Variants in MSR1 observed in about 807,000 individuals in gnomAD.
MSR1 encodes macrophage scavenger receptor 1, also known as macrophage scavenger receptor types I and II.
Under a neutral mutation model 47.2 loss-of-function variants are expected in MSR1, and 53 were observed. The observed-to-expected ratio is 1.12, with a 90% CI of 0.90 to 1.41. The LOEUF is 1.41. MSR1 is among the 40% of genes most tolerant of loss of function. MSR1 has a pLI of 0.00. For synonymous variants in MSR1, 239 were observed against 185.6 expected, an observed-to-expected ratio of 1.29 and a Z score of -2.34; for missense variants, 786 against 546.9, an observed-to-expected ratio of 1.44 and a Z score of -4.36.
chr8:16,159,854 G>A (rs1368087540), intron 5 of MSR1, among the ~76,000 whole-genome samples: 3 of 151,966 alleles, frequency 2.0e-5, no homozygotes, highest in African/African-American at 7.2e-5. Flanking sequence ...CATGCAAGAG[G>A]TGGCATCTTA....
At chr8:16,145,559 G>T (rs1800674297) in intron 7 of MSR1, among the ~76,000 whole-genome samples, 1 of 152,058 alleles carries the variant, frequency 6.6e-6, no homozygotes, top group African/African-American at 2.4e-5. Context: ...ACATGCTTAA[G>T]CCAGAGACAT....
chr8:16,168,473 G>A lies in MSR1; in HGVS notation c.615C>T (p.Thr205=), dbSNP rs746169656. The A allele has an allele frequency of 1.2e-6, 2 of 1,614,050 alleles. No individual in the cohort carries two copies. Among genetic ancestry groups the A allele is most frequent in the Admixed American group, 1.7e-5 (1 of 60,016 alleles). Residue 205 remains threonine, a synonymous_variant, in exon 4 of 10, where the codon ACC becomes ACT. Coordinates refer to ENST00000262101, the MANE Select transcript of MSR1 (RefSeq NM_138715.3). ...AAACTCTTACCTCTTGTTGTTTGAA[G>A]GTATTCTCTTGGATTTTGCCATTCA... ...ENLNGKIQEN[T]FKQQEEISKL...
At chr8:16,154,993 C>A in intron 6 of MSR1, 71 bp downstream of exon 6, 1 of 1,282,048 alleles carries the variant, frequency 7.8e-7, no homozygotes, top group Non-Finnish European at 1.1e-6. Flanking sequence ...AGCAATCCTC[C>A]CCTACACATG....
intron 6 of MSR1, among the ~76,000 whole-genome samples, chr8:16,154,389 G>C (rs1239194103): frequency 6.6e-6 from 1 of 151,794 alleles, no homozygotes; most frequent in East Asian, 1.9e-4. Context: ...GAAAGTTCAT[G>C]TTCTCTCTTC....
In MSR1 at chr8:16,186,109, T is replaced by C. The variant is rs544542374; in HGVS notation, c.-5+6489A>G. On this transcript the variant is annotated intron_variant, in intron 1 of 9. Coordinates refer to ENST00000262101, the MANE Select transcript of MSR1 (RefSeq NM_138715.3). ...CTTGCAAGATTGGCAGTAATAAATG[T>C]ATAAAAATGAAAGTCCCTGAGTGCA... The C allele has an allele frequency of 2.8e-6, 4 of 1,425,020 alleles. No individual in the cohort carries two copies. In the African/African-American group the frequency reaches 4.3e-5, roughly 15 times the overall value. 88.3% of individuals were successfully genotyped at this position (1,425,020 alleles called of 1,614,324 possible). A position where few individuals can be genotyped will look rare whatever the true frequency, so the allele number is the denominator to read the frequency against.
chr8:16,162,893 C>T (rs931014777), intron 5 of MSR1, among the ~76,000 whole-genome samples: 1 of 151,504 alleles, frequency 6.6e-6, no homozygotes, highest in South Asian at 2.1e-4. Flanking sequence ...TAAGGCTCCA[C>T]AAGATTGTCT....
intron 8 of MSR1, among the ~76,000 whole-genome samples, chr8:16,137,448 ATCTCTTTCTCTCTTTCCC>A (rs1563146570): frequency 1.3e-5 from 2 of 151,768 alleles, no homozygotes; most frequent in African/African-American, 4.8e-5. Context: ...CTCTCTATCT[ATCTCTTTCTCTCTTTCCC>A]TCTCTTTCTC....
At chr8:16,183,839 A>C (rs1801914017) in intron 1 of MSR1, among the ~76,000 whole-genome samples, 1 of 144,150 alleles carries the variant, frequency 6.9e-6, no homozygotes, top group African/African-American at 2.5e-5. Flanking sequence ...TATTTTATAT[A>C]TCATAGAATT....
chr8:16,184,805 T>A (rs1801947266), intron 1 of MSR1, among the ~76,000 whole-genome samples: 1 of 152,050 alleles, frequency 6.6e-6, no homozygotes, highest in Non-Finnish European at 1.5e-5. Context: ...ACCTTTGATT[T>A]ATTTTTTTTT....
intron 5 of MSR1, among the ~76,000 whole-genome samples, chr8:16,163,664 A>C (rs1343862184): frequency 6.6e-6 from 1 of 151,712 alleles, no homozygotes; most frequent in African/African-American, 2.4e-5. Flanking sequence ...TGGAGAGTTC[A>C]AAAGATCCTT....
chr8:16,157,804 G>A (rs1482589877), intron 5 of MSR1, among the ~76,000 whole-genome samples: 1 of 151,926 alleles, frequency 6.6e-6, no homozygotes, highest in Admixed American at 6.6e-5. Context: ...ACTATTGCTA[G>A]AGATTTTTAA....
At chr8:16,170,851 T>C (rs1043033287) in intron 3 of MSR1, among the ~76,000 whole-genome samples, 1 of 152,160 alleles carries the variant, frequency 6.6e-6, no homozygotes, top group Admixed American at 6.5e-5. Context: ...TTTTCTCAAT[T>C]TGTAAAAGTA....
At chr8:16,173,958 GT>G (rs942682496) in intron 3 of MSR1, among the ~76,000 whole-genome samples, 3 of 149,994 alleles carry the variant, frequency 2.0e-5, no homozygotes, top group African/African-American at 7.6e-5. Flanking sequence ...TGACTTTTTT[GT>G]TTTTTTATTG....
At chr8:16,145,901 G>T (rs974954723) in intron 7 of MSR1, among the ~76,000 whole-genome samples, 1 of 152,088 alleles carries the variant, frequency 6.6e-6, no homozygotes, top group Non-Finnish European at 1.5e-5. Flanking sequence ...CAAACCTAGA[G>T]TTAACTATCT....
intron 9 of MSR1, among the ~76,000 whole-genome samples, chr8:16,118,614 G>A (rs1461421234): frequency 6.6e-6 from 1 of 151,984 alleles, no homozygotes; most frequent in Non-Finnish European, 1.5e-5. Flanking sequence ...AGGAGGCAGA[G>A]GTTGCAGTAA....
intron 1 of MSR1, among the ~76,000 whole-genome samples, chr8:16,187,661 A>G (rs1802042547): frequency 6.6e-6 from 1 of 152,172 alleles, no homozygotes; most frequent in Non-Finnish European, 1.5e-5. Flanking sequence ...TTACATAAAT[A>G]AATGAAAGGC....
chr8:16,116,846 G>C (rs960091638), intron 9 of MSR1, among the ~76,000 whole-genome samples: 1 of 152,134 alleles, frequency 6.6e-6, no homozygotes, highest in Non-Finnish European at 1.5e-5. Context: ...CCATGGCAAA[G>C]CTTCATGCTC....
chr8:16,191,611 A>G (rs2116959426), intron 1 of MSR1, among the ~76,000 whole-genome samples: 1 of 152,194 alleles, frequency 6.6e-6, no homozygotes, highest in Admixed American at 6.6e-5. Flanking sequence ...AGGTTAGGGA[A>G]CTGAAATGTG....
intron 9 of MSR1, among the ~76,000 whole-genome samples, chr8:16,112,943 GTT>G (rs71543671): frequency 1.1e-3 from 98 of 87,800 alleles, no homozygotes; most frequent in South Asian, 2.5e-3. Flanking sequence ...TTTTTTTTAA[GTT>G]TTTTTTTTTT....
Sources: gnomAD v4.1 joint callset for allele counts (sites outside exome capture counted in the v4.1 genomes callset) on GRCh38, gnomAD v4.1.1 for gene constraint, MANE v1.5 for transcripts, NCBI Gene and HGNC (gene_info 2026-07-23, HGNC 2026-07-21) for gene names.